The following ZHX3 variants were observed in gnomAD, a reference collection of about 807,000 sequenced individuals.
ZHX3 encodes zinc fingers and homeoboxes 3, also known as zinc fingers and homeoboxes protein 3.
ZHX3 carries 20 observed loss-of-function variants against 64.5 expected under a neutral mutation model. The ratio of observed to expected loss-of-function variants is 0.31; its 90% confidence interval spans 0.22 to 0.45. The LOEUF (loss-of-function observed/expected upper bound fraction) is 0.45, where lower values mean the gene tolerates loss of function less well. Ranked by LOEUF, ZHX3 falls within the 20% of genes least tolerant of loss-of-function variation. The pLI is 1.00. For missense variants in ZHX3, 1,041 were observed against 1,195.8 expected (o/e 0.87, Z 1.91); for synonymous variants, 423 against 461.6 (o/e 0.92, Z 1.07).
At chr20:41,291,588 A>G (rs2044242104) in intron 1 of ZHX3, among the ~76,000 whole-genome samples, 1 of 110,164 alleles carries the variant, frequency 9.1e-6, no homozygotes, top group Non-Finnish European at 1.7e-5. Context: ...GAATATATAT[A>G]TACTATATAT....
chr20:41,222,068 T>C (rs756791071), intron 2 of ZHX3, among the ~76,000 whole-genome samples: 1 of 152,182 alleles, frequency 6.6e-6, no homozygotes, highest in Non-Finnish European at 1.5e-5. Flanking sequence ...GCTGGCTATG[T>C]TGAGAACAGA....
chr20:41,267,127 G>A (rs951145969), intron 2 of ZHX3, among the ~76,000 whole-genome samples: 3 of 152,106 alleles, frequency 2.0e-5, no homozygotes, highest in Non-Finnish European at 2.9e-5. Flanking sequence ...GATTACAGGC[G>A]TGAGCCACCG....
At position 41,181,798 on chromosome 20, in the gene ZHX3, C is replaced by G. The variant is rs569384556; in HGVS notation, c.*3393G>C. ...CTAGCTGGAGATGAGACCACTAGTA[C>G]ATGTGTGAGCCCGCAAGGCACTACC... On this transcript the variant is annotated 3_prime_UTR_variant, in exon 4 of 4. Transcript: ENST00000683867. 1 of 152,388 alleles carries G rather than the reference C, an allele frequency of 6.6e-6. No homozygotes were observed. Among genetic ancestry groups the G allele is most frequent in the South Asian group, 2.1e-4 (1 of 4,828 alleles). The allele number at this position is 152,388 out of a possible 1,614,324, so 9.4% of individuals were successfully genotyped here.
intron 2 of ZHX3, among the ~76,000 whole-genome samples, chr20:41,264,241 T>C (rs1212841524): frequency 1.3e-5 from 2 of 151,136 alleles, no homozygotes; most frequent in African/African-American, 4.9e-5. Flanking sequence ...AAACCCCATC[T>C]CCACTAAAAT....
At position 41,181,556 on chromosome 20, in the gene ZHX3, G is replaced by A. The variant is rs1019145945; in HGVS notation, c.*3635C>T. On this transcript the variant is annotated 3_prime_UTR_variant, in exon 4 of 4. Transcript: ENST00000683867. The stretch of plus-strand genomic sequence containing the variant: ...GGTCCAAAAAGAGACAAGAGACCAC[G>A]AGGCTCAAGCAGAGAGCATCCACAC... 1 of 152,102 alleles carries A rather than the reference G, an allele frequency of 6.6e-6. No homozygotes were observed. The highest frequency in any genetic ancestry group is 1.9e-4 in the East Asian group (1 of 5,172). The allele number at this position is 152,102 out of a possible 1,614,324, so 9.4% of individuals were successfully genotyped here. A position where few individuals can be genotyped will look rare whatever the true frequency, so the allele number is the denominator to read the frequency against.
intron 1 of ZHX3, among the ~76,000 whole-genome samples, chr20:41,271,196 T>C (rs1054951914): frequency 2.0e-5 from 3 of 152,166 alleles, no homozygotes; most frequent in African/African-American, 7.2e-5. Context: ...AATTTTTGTA[T>C]TTTTAGTAGA....
chr20:41,227,544 G>T (rs2040349377), intron 2 of ZHX3, among the ~76,000 whole-genome samples: 1 of 152,162 alleles, frequency 6.6e-6, no homozygotes, highest in Non-Finnish European at 1.5e-5. Flanking sequence ...GAGTACTGGG[G>T]AAGAGTTAAC....
chr20:41,226,296 C>A lies in ZHX3; in HGVS notation c.-150-21230G>T, dbSNP rs1376706252. 2.0e-5 allele frequency among the ~76,000 whole-genome samples: 3 copies of A among 151,842 alleles called. No individual in the cohort carries two copies. The highest frequency in any genetic ancestry group is 1.5e-5 in the Non-Finnish European group (1 of 67,990). On this transcript the variant is annotated intron_variant, in intron 2 of 3. Coordinates refer to ENST00000683867, the MANE Select transcript of ZHX3 (RefSeq NM_001384317.1). This position sits in a 1 kb window ranked among gnomAD's most constrained non-coding sequence, Gnocchi z 4.4. ...GCATGAACGCGGGAGGTGGAGGTTG[C>A]AGTAAACTGAGATCGCGCCACTGAA...
At position 41,229,201 on chromosome 20, in the gene ZHX3, G is replaced by A. The variant is rs189392261; in HGVS notation, c.-150-24135C>T. Among the ~76,000 whole-genome samples, 36 of 152,152 alleles carry A rather than the reference G, an allele frequency of 2.4e-4. No individual in the cohort carries two copies. The East Asian group carries it at 6.4e-3, about 27-fold the overall frequency. ...TTTTATAACTGATCAATTTAACTTA[G>A]CATAATATCCTCAAGTTTCATCCAT... On this transcript the variant is annotated intron_variant, in intron 2 of 3. Coordinates refer to ENST00000683867, the MANE Select transcript of ZHX3 (RefSeq NM_001384317.1).
intron 2 of ZHX3, chr20:41,239,853 A>T (rs1191526393): frequency 6.6e-6 from 1 of 152,250 alleles, no homozygotes; most frequent in Non-Finnish European, 1.5e-5. Flanking sequence ...TTTATCGTTT[A>T]ACAAAGACAA....
intron 2 of ZHX3, among the ~76,000 whole-genome samples, chr20:41,235,389 C>A (rs963931046): frequency 2.0e-5 from 3 of 152,056 alleles, no homozygotes; most frequent in Non-Finnish European, 4.4e-5. Flanking sequence ...ACTGGCAAAC[C>A]GAATCCAGCA....
At chr20:41,276,627 C>T (rs1451496505) in intron 1 of ZHX3, among the ~76,000 whole-genome samples, 4 of 152,200 alleles carry the variant, frequency 2.6e-5, no homozygotes, top group African/African-American at 9.7e-5. Context: ...GAGCTGAACT[C>T]TTGAGGCGTC....
intron 3 of ZHX3, among the ~76,000 whole-genome samples, chr20:41,188,157 G>A (rs1444191677): frequency 6.6e-6 from 1 of 152,118 alleles, no homozygotes; most frequent in Non-Finnish European, 1.5e-5. Context: ...CCACATATGA[G>A]TAAGAACGTG....
intron 2 of ZHX3, among the ~76,000 whole-genome samples, chr20:41,235,406 C>T (rs576684262): frequency 2.0e-5 from 3 of 152,250 alleles, no homozygotes; most frequent in Admixed American, 6.5e-5. Flanking sequence ...AGCAGCACAT[C>T]AAAAAGCTTA....
chr20:41,282,413 CA>C (rs1457878028), intron 1 of ZHX3, among the ~76,000 whole-genome samples: 4 of 127,532 alleles, frequency 3.1e-5, no homozygotes, highest in African/African-American at 1.2e-4. Context: ...GGCTGGAGAA[CA>C]GCGGCGCTAT....
At chr20:41,278,908 G>A (rs1419777037) in intron 1 of ZHX3, among the ~76,000 whole-genome samples, 1 of 151,234 alleles carries the variant, frequency 6.6e-6, no homozygotes, top group African/African-American at 2.4e-5. Context: ...GAGTAGCTGG[G>A]ACTACAGGTG....
chr20:41,279,397 T>A (rs1177661640), intron 1 of ZHX3, among the ~76,000 whole-genome samples: 1 of 152,070 alleles, frequency 6.6e-6, no homozygotes, highest in Non-Finnish European at 1.5e-5. Context: ...AAAAACAGTA[T>A]CTTACAACTT....
intron 1 of ZHX3, among the ~76,000 whole-genome samples, chr20:41,288,584 A>C (rs1600637768): frequency 1.3e-5 from 2 of 152,244 alleles, no homozygotes; most frequent in South Asian, 4.1e-4. Flanking sequence ...ACAGGCAGAA[A>C]CCAGCCTGCA....
At position 41,203,128 on chromosome 20, in the gene ZHX3, G is replaced by A; in HGVS notation, c.1789C>T (p.His597Tyr). The change falls in exon 3 of 4, where the codon CAC (histidine) becomes TAC (tyrosine). Residue 597 changes from histidine (H) to tyrosine (Y), a missense_variant. Physicochemically the swap from His to Tyr is moderately conservative, Grantham distance 83. Transcript: ENST00000683867. This position sits in a 1 kb window ranked among gnomAD's most constrained non-coding sequence, Gnocchi z 7.1. ...CAAGATTGTCGTTTGGCAGAAGGGT[G>A]GGTTGCTAGTGTGGCTGTTGTCGGA... Reference protein sequence around the residue: ...CIPTTATLATHPSAKRQSWHQ... With the variant: ...CIPTTATLATYPSAKRQSWHQ... 1 of 1,614,148 alleles carries A rather than the reference G, an allele frequency of 6.2e-7. No individual in the cohort carries two copies. Among genetic ancestry groups the A allele is most frequent in the Admixed American group, 1.7e-5 (1 of 60,024 alleles).
Sources: gnomAD v4.1 joint callset for allele counts (sites outside exome capture counted in the v4.1 genomes callset) on GRCh38, gnomAD v4.1.1 for gene constraint, Gnocchi (gnomAD v3.1) non-coding constraint, MANE v1.5 for transcripts, NCBI Gene and HGNC (gene_info 2026-07-23, HGNC 2026-07-21) for gene names.